Variants in JAK2 observed in about 807,000 individuals in gnomAD.
JAK2 encodes Janus kinase 2.
JAK2 carries 86 observed loss-of-function variants against 139.3 expected under a neutral mutation model. That is an observed-to-expected ratio of 0.62 (90% CI 0.52 to 0.74). The LOEUF is 0.74. Ranked by LOEUF, JAK2 falls within the 30% of genes least tolerant of loss-of-function variation. The pLI, the probability that JAK2 is intolerant of heterozygous loss-of-function variation, is 0.00. For missense variants in JAK2, 1,421 were observed against 1,360.3 expected, an observed-to-expected ratio of 1.04 and a Z score of -0.70; for synonymous variants, 490 against 437.7, an observed-to-expected ratio of 1.12 and a Z score of -1.49.
At chr9:5,059,020 G>A (rs1817973995) in intron 8 of JAK2, among the ~76,000 whole-genome samples, 1 of 152,098 alleles carries the variant, frequency 6.6e-6, no homozygotes, top group African/African-American at 2.4e-5. Flanking sequence ...ATGCGCAGAT[G>A]TTTTAAAGTT....
intron 2 of JAK2, among the ~76,000 whole-genome samples, chr9:4,999,666 AG>A (rs143874117): frequency 0.014 from 2,091 of 152,278 alleles, 58 homozygotes; most frequent in African/African-American, 0.048. Flanking sequence ...CTGATGTTCA[AG>A]GGCAGGAAGC....
chr9:4,984,971 G>C (rs1819857383), upstream of JAK2: 1 of 152,334 alleles, frequency 6.6e-6, no homozygotes, highest in African/African-American at 2.4e-5. Context: ...CCGAGAGGCA[G>C]CTGCCCTGCG....
chr9:5,018,885 C>G (rs1822237251), intron 2 of JAK2, among the ~76,000 whole-genome samples: 1 of 152,088 alleles, frequency 6.6e-6, no homozygotes, highest in Non-Finnish European at 1.5e-5. Context: ...TGCTGTTAGT[C>G]TGATGGAGCT....
At chr9:5,102,848 A>G (rs1354017756) in intron 22 of JAK2, among the ~76,000 whole-genome samples, 1 of 152,190 alleles carries the variant, frequency 6.6e-6, no homozygotes, top group Non-Finnish European at 1.5e-5. Flanking sequence ...AAATGCTGAG[A>G]GATTTTGTCA....
In JAK2 at chr9:5,069,097, A is replaced by G; in HGVS notation, c.1402A>G (p.Lys468Glu). ...ENEEYNLSGT[K>E]KNFSSLKDLL... ...TGAAGAGTACAACCTCAGTGGGACA[A>G]AGAAGAACTTCAGCAGTCTTAAAGA... The change falls in exon 11 of 25, where the codon AAG (lysine) becomes GAG (glutamate). Residue 468 changes from lysine (K) to glutamate (E), a missense_variant. By Grantham distance (56) the Lys-to-Glu change is moderately conservative. Transcript: ENST00000381652. 1 of 1,611,802 alleles carries G rather than the reference A, an allele frequency of 6.2e-7. No individual in the cohort carries two copies. The highest frequency in any genetic ancestry group is 8.5e-7 in the Non-Finnish European group (1 of 1,178,148).
chr9:5,006,037 A>C (rs1270038517), intron 2 of JAK2, among the ~76,000 whole-genome samples: 1 of 152,174 alleles, frequency 6.6e-6, no homozygotes, highest in Non-Finnish European at 1.5e-5. Flanking sequence ...GAAGAAAGTC[A>C]TTGGTAGCTT....
At chr9:5,026,146 T>C (rs575899256) in intron 3 of JAK2, among the ~76,000 whole-genome samples, 36 of 152,356 alleles carry the variant, frequency 2.4e-4, no homozygotes, top group African/African-American at 8.2e-4. Context: ...TTCTACTATA[T>C]TGAGTTAGAT....
chr9:4,993,308 C>T (rs1820370794), intron 2 of JAK2, among the ~76,000 whole-genome samples: 1 of 152,176 alleles, frequency 6.6e-6, no homozygotes, highest in Non-Finnish European at 1.5e-5. Flanking sequence ...CTTATAATCA[C>T]ACTCTAGATT....
At chr9:5,003,619 T>A (rs1821070623) in intron 2 of JAK2, among the ~76,000 whole-genome samples, 1 of 152,106 alleles carries the variant, frequency 6.6e-6, no homozygotes, top group African/African-American at 2.4e-5. Flanking sequence ...TTCTTTTAAA[T>A]TTCCTACATA....
intron 2 of JAK2, among the ~76,000 whole-genome samples, chr9:5,003,735 A>G (rs1234661979): frequency 1.3e-5 from 2 of 152,080 alleles, no homozygotes; most frequent in African/African-American, 4.8e-5. Context: ...AATGTCCACT[A>G]TGGTATTGAA....
chr9:5,021,769 T>C (rs146101211), intron 2 of JAK2, among the ~76,000 whole-genome samples, 194 bp from the exon 3 acceptor site: 40 of 152,296 alleles, frequency 2.6e-4, no homozygotes, highest in South Asian at 8.3e-4. Flanking sequence ...GGACTACAAG[T>C]GCGTGCTGCC....
At chr9:5,041,788 G>A in intron 4 of JAK2, 1 of 487,028 alleles carries the variant, frequency 2.1e-6, no homozygotes, top group Non-Finnish European at 4.1e-6. Flanking sequence ...CCTCAGCTTC[G>A]GGACAAAGAT....
chr9:5,104,612 T>TA (rs1821803198), intron 22 of JAK2, among the ~76,000 whole-genome samples: 2 of 151,518 alleles, frequency 1.3e-5, no homozygotes, highest in African/African-American at 4.8e-5. Flanking sequence ...CACAAAAAAA[T>TA]AATTTTAGAC....
chr9:5,121,939 C>T (rs1402084077), intron 22 of JAK2, among the ~76,000 whole-genome samples: 1 of 152,106 alleles, frequency 6.6e-6, no homozygotes, highest in African/African-American at 2.4e-5. Flanking sequence ...TTGCATTCCC[C>T]TTGTGGAATA....
chr9:5,046,077 G>A (rs899622764), intron 5 of JAK2, among the ~76,000 whole-genome samples: 2 of 152,108 alleles, frequency 1.3e-5, no homozygotes, highest in African/African-American at 2.4e-5. Flanking sequence ...CCATCTCTAT[G>A]GGTTTGAGGT....
intron 3 of JAK2, among the ~76,000 whole-genome samples, chr9:5,027,057 C>T (rs746606795): frequency 3.3e-5 from 5 of 152,176 alleles, no homozygotes; most frequent in Non-Finnish European, 5.9e-5. Flanking sequence ...CAACCACATG[C>T]AAGCATGGAT....
At chr9:5,011,941 C>T (rs1322062547) in intron 2 of JAK2, among the ~76,000 whole-genome samples, 1 of 152,154 alleles carries the variant, frequency 6.6e-6, no homozygotes, top group Non-Finnish European at 1.5e-5. Flanking sequence ...TTACCAGTTC[C>T]CTCTAACACT....
chr9:5,117,942 T>C (rs1243275588), intron 22 of JAK2, among the ~76,000 whole-genome samples: 1 of 152,218 alleles, frequency 6.6e-6, no homozygotes, highest in African/African-American at 2.4e-5. Context: ...TAAAAGAATT[T>C]AGAAAAACCA....
intron 20 of JAK2, 58 bp downstream of exon 20, chr9:5,089,921 A>G: frequency 2.5e-6 from 3 of 1,185,918 alleles, no homozygotes; most frequent in Non-Finnish European, 3.3e-6. Context: ...CATCCTGTGT[A>G]ATATAAATGT....
Sources: gnomAD v4.1 joint callset for allele counts (sites outside exome capture counted in the v4.1 genomes callset) on GRCh38, gnomAD v4.1.1 for gene constraint, MANE v1.5 for transcripts, NCBI Gene and HGNC (gene_info 2026-07-23, HGNC 2026-07-21) for gene names.